Variants in MTUS2 observed in about 807,000 individuals in gnomAD.
The protein encoded by MTUS2 is microtubule associated scaffold protein 2.
In MTUS2, 40 loss-of-function variants were observed where a neutral mutation model predicts 114.1. The observed-to-expected ratio is 0.35, with a 90% CI of 0.27 to 0.46. The LOEUF (loss-of-function observed/expected upper bound fraction) is 0.46. Among genes scored for constraint, MTUS2 ranks in the 20% least tolerant of loss-of-function variants. MTUS2 has a pLI of 1.00. For synonymous variants in MTUS2, 688 were observed against 672.0 expected (o/e 1.02, Z -0.37); for missense variants, 1,679 against 1,705.4 (o/e 0.98, Z 0.27).
At chr13:29,210,692 T>G (rs1895390206) in intron 5 of MTUS2, among the ~76,000 whole-genome samples, 1 of 152,256 alleles carries the variant, frequency 6.6e-6, no homozygotes, top group East Asian at 1.9e-4. Context: ...TATTGTTGTA[T>G]TTTTTCTGGG....
intron 5 of MTUS2, among the ~76,000 whole-genome samples, chr13:29,224,528 C>T (rs901146659): frequency 4.6e-5 from 7 of 151,910 alleles, no homozygotes; most frequent in Non-Finnish European, 8.8e-5. Flanking sequence ...TTATATCTCT[C>T]CTATATCTAT....
In MTUS2 at chr13:29,503,333, C is replaced by G. The variant is rs1006375475; in HGVS notation, c.*127C>G. On this transcript the variant is annotated 3_prime_UTR_variant, in exon 16 of 16. Transcript: ENST00000612955. ...TCAGTAGCTGCGAATGCATCCTAGG[C>G]GCGTCCTCCTCTGATCCCCGTGTAA... 4 of 1,034,912 alleles carry G rather than the reference C, an allele frequency of 3.9e-6. No individual in the cohort carries two copies. In the African/African-American group the frequency reaches 6.3e-5, roughly 16 times the overall value. 64.1% of individuals were successfully genotyped at this position (1,034,912 alleles called of 1,614,324 possible). A position where few individuals can be genotyped will look rare whatever the true frequency, so the allele number is the denominator to read the frequency against.
rs371599732 is a variant in MTUS2 at position 29,073,265 on chromosome 13, A to G, written c.2447-27508A>G. Among the ~76,000 whole-genome samples, 7 of 152,352 alleles carry G rather than the reference A, an allele frequency of 4.6e-5. No homozygotes were observed. The East Asian group carries it at 9.6e-4, about 21-fold the overall frequency. ...AAGTCACCTCAAGATTTGAACCTCA[A>G]TTAAAAACACACTGCATGAATAGGT... On this transcript the variant is annotated intron_variant, in intron 4 of 15. Transcript: ENST00000612955.
At chr13:29,016,765 T>G (rs326520) in intron 2 of MTUS2, among the ~76,000 whole-genome samples, 62,390 of 152,076 alleles carry the variant, frequency 0.41, 13,461 homozygotes, top group South Asian at 0.65. Flanking sequence ...ACCCATGTTA[T>G]GTACATAAGA....
intron 8 of MTUS2, among the ~76,000 whole-genome samples, chr13:29,398,234 G>A (rs190610115): frequency 4.8e-4 from 73 of 152,304 alleles, no homozygotes; most frequent in Middle Eastern, 3.4e-3. Flanking sequence ...GCTGAGGCGG[G>A]TGGACCACCT....
At chr13:29,422,648 C>CT (rs11342823) in intron 8 of MTUS2, among the ~76,000 whole-genome samples, 2,480 of 67,800 alleles carry the variant, frequency 0.037, 92 homozygotes, top group South Asian at 0.072. Context: ...GATTTCTTTT[C>CT]TTTTTTTTTT....
At chr13:29,291,849 A>G (rs1898730207) in intron 6 of MTUS2, among the ~76,000 whole-genome samples, 1 of 152,194 alleles carries the variant, frequency 6.6e-6, no homozygotes, top group South Asian at 2.1e-4. Context: ...GCAGAAACTC[A>G]TTTTAAATGT....
chr13:29,383,242 G>GTATATATATATATATATATA, intron 8 of MTUS2, among the ~76,000 whole-genome samples: 1 of 28,710 alleles, frequency 3.5e-5, no homozygotes, highest in East Asian at 3.0e-3. Context: ...GTGTGTGTGT[G>GTATATATATATATATATATA]TGTGTGTGTG....
Position 29,452,574 on chromosome 13 carries a change from A to ATGTG in MTUS2, c.3184+12555_3184+12558dup, listed in dbSNP as rs56367128. Among the ~76,000 whole-genome samples, 1,072 of 130,252 alleles carry ATGTG rather than the reference A, an allele frequency of 8.2e-3. 14 individuals carry two copies. The highest frequency in any genetic ancestry group is 0.031 in the African/African-American group (1,015 of 32,730). The allele number at this position is 130,252 out of a possible 152,430, so 85.5% of individuals were successfully genotyped here. A position where few individuals can be genotyped will look rare whatever the true frequency, so the allele number is the denominator to read the frequency against. Reference sequence around the variant, plus strand: ...CCCAACTGTGTATATATATATATATATGTGTGTGTGTGTGTGTGTGTGTGT... The same window carrying ATGTG: ...CCCAACTGTGTATATATATATATATATGTGTGTGTGTGTGTGTGTGTGTGTGTGT... On this transcript the variant is annotated intron_variant, in intron 9 of 15. Transcript: ENST00000612955.
At chr13:29,426,060 T>C (rs3121757) in intron 8 of MTUS2, among the ~76,000 whole-genome samples, 31,902 of 151,926 alleles carry the variant, frequency 0.21, 3,769 homozygotes, top group East Asian at 0.51. Flanking sequence ...ATGTAGGGAG[T>C]TTAGTTAGCT....
At chr13:29,058,226 A>G (rs1402915203) in intron 4 of MTUS2, among the ~76,000 whole-genome samples, 4 of 98,950 alleles carry the variant, frequency 4.0e-5, no homozygotes, top group African/African-American at 7.0e-5. Context: ...TTTCATTTTG[A>G]CTTTGGAGAA....
At chr13:29,342,260 A>G (rs1049326452) in intron 7 of MTUS2, among the ~76,000 whole-genome samples, 1 of 152,058 alleles carries the variant, frequency 6.6e-6, no homozygotes, top group Non-Finnish European at 1.5e-5. Flanking sequence ...CATTTTCACA[A>G]TATTGATTCT....
At chr13:29,090,672 A>G (rs1889903122) in intron 4 of MTUS2, among the ~76,000 whole-genome samples, 1 of 152,250 alleles carries the variant, frequency 6.6e-6, no homozygotes, top group South Asian at 2.1e-4. Context: ...CAGGGACTGC[A>G]GGAGAGGCCA....
At chr13:29,388,804 G>A (rs12854420) in intron 8 of MTUS2, among the ~76,000 whole-genome samples, 28,896 of 151,788 alleles carry the variant, frequency 0.19, 2,936 homozygotes, top group Middle Eastern at 0.26. Flanking sequence ...TTGGATTATC[G>A]CCTCTTAGTA....
At chr13:29,293,934 C>T (rs149810349) in intron 6 of MTUS2, among the ~76,000 whole-genome samples, 468 of 152,060 alleles carry the variant, frequency 3.1e-3, no homozygotes, top group African/African-American at 0.011. Flanking sequence ...TAGCCAAGAG[C>T]CATTATCAGT....
chr13:29,168,392 T>C (rs749311916), intron 5 of MTUS2, among the ~76,000 whole-genome samples: 1 of 152,206 alleles, frequency 6.6e-6, no homozygotes, highest in Non-Finnish European at 1.5e-5. Flanking sequence ...GCTCTGTACT[T>C]ACAAAAATCT....
intron 8 of MTUS2, among the ~76,000 whole-genome samples, chr13:29,420,174 A>G (rs55884095): frequency 0.012 from 1,780 of 152,206 alleles, 32 homozygotes; most frequent in African/African-American, 0.04. Flanking sequence ...CTGAAAATCA[A>G]ACTGAAATCT....
At chr13:28,978,025 C>G (rs543809107) in intron 2 of MTUS2, among the ~76,000 whole-genome samples, 6 of 152,310 alleles carry the variant, frequency 3.9e-5, no homozygotes, top group African/African-American at 1.2e-4. Flanking sequence ...CTTATAATTA[C>G]AGTACTGCAC....
At chr13:29,207,543 T>C (rs1895240540) in intron 5 of MTUS2, among the ~76,000 whole-genome samples, 1 of 152,242 alleles carries the variant, frequency 6.6e-6, no homozygotes, top group Admixed American at 6.5e-5. Flanking sequence ...CCATTCAGTA[T>C]AATGTTGGCT....
Sources: allele counts gnomAD v4.1 joint callset (sites outside exome capture counted in the v4.1 genomes callset), GRCh38; gene constraint gnomAD v4.1.1; transcripts MANE v1.5; gene names NCBI Gene and HGNC (gene_info 2026-07-23, HGNC 2026-07-21).